Variants in RAB23 observed in about 807,000 individuals in gnomAD.
The protein encoded by RAB23 is ras-related protein Rab-23.
Under a neutral mutation model 30.0 loss-of-function variants are expected in RAB23, and 15 were observed. The observed-to-expected ratio is 0.50, with a 90% CI of 0.33 to 0.77. RAB23 has a LOEUF of 0.77. Ranked by LOEUF, RAB23 falls within the 30% of genes least tolerant of loss-of-function variation. The pLI, the probability that RAB23 is intolerant of heterozygous loss-of-function variation, is 0.02. For synonymous variants in RAB23, 93 were observed against 94.0 expected (o/e 0.99, Z 0.06); for missense variants, 243 against 275.4 (o/e 0.88, Z 0.83).
chr6:57,190,675 A>C, intron 6 of RAB23, 75 bp from the exon 7 acceptor site: 1 of 1,525,238 alleles, frequency 6.6e-7, no homozygotes, highest in Non-Finnish European at 9.1e-7. Context: ...TTGTTAGTAA[A>C]ATCAGTAATA....
intron 3 of RAB23, among the ~76,000 whole-genome samples, chr6:57,204,304 C>T (rs1421714025): frequency 6.6e-6 from 1 of 152,138 alleles, no homozygotes; most frequent in Non-Finnish European, 1.5e-5. Context: ...TACTGGTATA[C>T]TGCTATTCAA....
At chr6:57,220,820 C>A (rs1338479036) in intron 1 of RAB23, among the ~76,000 whole-genome samples, 1 of 151,790 alleles carries the variant, frequency 6.6e-6, no homozygotes, top group Admixed American at 6.5e-5. Flanking sequence ...ATTCGCAGAA[C>A]TGTACATCGA....
intron 2 of RAB23, among the ~76,000 whole-genome samples, chr6:57,208,346 A>G (rs1765521956): frequency 6.6e-6 from 1 of 152,048 alleles, no homozygotes; most frequent in South Asian, 2.1e-4. Context: ...GAGGATAAGA[A>G]TGCAAAAAAG....
At chr6:57,195,959 A>G (rs931940668) in intron 4 of RAB23, among the ~76,000 whole-genome samples, 4 of 152,254 alleles carry the variant, frequency 2.6e-5, no homozygotes, top group African/African-American at 9.6e-5. Context: ...AAACTGGCAA[A>G]AATAATAATA....
chr6:57,194,491 T>C (rs898212037), intron 5 of RAB23, among the ~76,000 whole-genome samples: 1 of 152,092 alleles, frequency 6.6e-6, no homozygotes, highest in Admixed American at 6.5e-5. Context: ...TTAACAGGTA[T>C]GCATCAAAAC....
intron 3 of RAB23, among the ~76,000 whole-genome samples, chr6:57,202,028 TG>T (rs904623087): frequency 2.0e-5 from 3 of 152,372 alleles, no homozygotes; most frequent in African/African-American, 7.2e-5. Flanking sequence ...TTTGATATAA[TG>T]GGTCTTTTAA....
rs772616868 is a variant in RAB23, at chr6:57,207,729, AATTT to A, written c.156-20_156-17del. 11 of 1,498,546 alleles carry A rather than the reference AATTT, an allele frequency of 7.3e-6. No homozygotes were observed. The African/African-American group carries it at 1.4e-4, about 19-fold the overall frequency. The allele number at this position is 1,498,546 out of a possible 1,614,324, so 92.8% of individuals were successfully genotyped here. A position where few individuals can be genotyped will look rare whatever the true frequency, so the allele number is the denominator to read the frequency against. On this transcript the variant is annotated splice_polypyrimidine_tract_variant and intron_variant, in intron 2 of 6. Coordinates refer to ENST00000468148, the MANE Select transcript of RAB23 (RefSeq NM_016277.5). ...ATCATTAACTCTAAAACAAGAGATG[AATTT>A]ATTTCATATGTAAAGGAAAATGTTT...
intron 3 of RAB23, among the ~76,000 whole-genome samples, chr6:57,197,219 GTA>G (rs150336692): frequency 1.4e-4 from 21 of 150,436 alleles, no homozygotes; most frequent in Admixed American, 6.6e-4. Context: ...AATGCCAAGA[GTA>G]TATATATATA....
chr6:57,207,226 C>T (rs948925170), intron 3 of RAB23, among the ~76,000 whole-genome samples: 2 of 152,198 alleles, frequency 1.3e-5, no homozygotes, highest in Non-Finnish European at 2.9e-5. Context: ...ACTCCTACAG[C>T]AGTGAAAAGG....
Position 57,190,545 on chromosome 6 carries a change from A to AT in RAB23, c.629dup (p.Asn210LysfsTer9). The AT allele has an allele frequency of 6.2e-7, 1 of 1,613,766 alleles. No homozygotes were observed. Among genetic ancestry groups the AT allele is most frequent in the Non-Finnish European group, 8.5e-7 (1 of 1,179,682 alleles). ...GTCTAAGATTGATGACATCTCCACC[A>AT]TTGAGGGTACCTGAATTCTGACCGG... On this transcript the variant is annotated frameshift_variant, in exon 7 of 7. Transcript: ENST00000468148. LOFTEE classifies it high-confidence loss of function.
intron 1 of RAB23, among the ~76,000 whole-genome samples, chr6:57,211,619 G>C (rs1234260861): frequency 6.6e-6 from 1 of 152,122 alleles, no homozygotes; most frequent in Non-Finnish European, 1.5e-5. Context: ...AATAGTGTAC[G>C]ACCATGTGTC....
chr6:57,210,532 T>A (rs953616805), intron 1 of RAB23, 87 bp from the exon 2 acceptor site: 1 of 856,480 alleles, frequency 1.2e-6, no homozygotes, highest in South Asian at 1.5e-5. Flanking sequence ...TCACATTGCA[T>A]TGCAAGGATG....
chr6:57,193,517 TAGTA>T (rs1233339207), intron 6 of RAB23, among the ~76,000 whole-genome samples: 1 of 152,118 alleles, frequency 6.6e-6, no homozygotes, highest in Non-Finnish European at 1.5e-5. Flanking sequence ...ATAAGCAAGA[TAGTA>T]AGAAAGGGAA....
At chr6:57,212,873 G>A (rs144522412) in intron 1 of RAB23, among the ~76,000 whole-genome samples, 1 of 152,158 alleles carries the variant, frequency 6.6e-6, no homozygotes, top group African/African-American at 2.4e-5. Context: ...GACAGAGCGA[G>A]GCCCTGTCTA....
intron 3 of RAB23, among the ~76,000 whole-genome samples, chr6:57,203,057 A>G (rs949642236): frequency 2.1e-4 from 25 of 120,046 alleles, no homozygotes; most frequent in Non-Finnish European, 1.3e-4. Flanking sequence ...CCCAGGCTGG[A>G]GTACAGTGGC....
chr6:57,213,298 A>G (rs1326268428), intron 1 of RAB23, among the ~76,000 whole-genome samples: 1 of 152,152 alleles, frequency 6.6e-6, no homozygotes, highest in Non-Finnish European at 1.5e-5. Context: ...GTACCAGTCC[A>G]CGGCCTGGGA....
chr6:57,200,209 AAT>A (rs890795041), intron 3 of RAB23, among the ~76,000 whole-genome samples: 1 of 147,194 alleles, frequency 6.8e-6, no homozygotes, highest in African/African-American at 2.5e-5. Context: ...TTTTTTTTTT[AAT>A]ATGAGATGGG....
At chr6:57,217,608 T>G (rs1353028773) in intron 1 of RAB23, among the ~76,000 whole-genome samples, 1 of 152,084 alleles carries the variant, frequency 6.6e-6, no homozygotes, top group Non-Finnish European at 1.5e-5. Context: ...GTGCCCAGCC[T>G]AAGATACGAA....
At chr6:57,210,107 A>C (rs566736965) in intron 2 of RAB23, 119 bp downstream of exon 2, 3 of 1,036,390 alleles carry the variant, frequency 2.9e-6, no homozygotes, top group Admixed American at 3.8e-5. Context: ...CTGTCGCATG[A>C]GCATTGCCAC....
Sources: allele counts gnomAD v4.1 joint callset (sites outside exome capture counted in the v4.1 genomes callset), GRCh38; gene constraint gnomAD v4.1.1; transcripts MANE v1.5; gene names NCBI Gene and HGNC (gene_info 2026-07-23, HGNC 2026-07-21).